Variants in MERTK observed in about 807,000 individuals in gnomAD.
MERTK encodes MER proto-oncogene, tyrosine kinase, also known as tyrosine-protein kinase Mer.
Under a neutral mutation model 99.3 loss-of-function variants are expected in MERTK, and 69 were observed. That is an observed-to-expected ratio of 0.70 (90% CI 0.57 to 0.85). The LOEUF (loss-of-function observed/expected upper bound fraction) is 0.85. MERTK is among the 40% of genes least tolerant of loss of function. The pLI, the probability that MERTK is intolerant of heterozygous loss-of-function variation, is 0.00. For synonymous variants in MERTK, 426 were observed against 467.6 expected (o/e 0.91, Z 1.15); for missense variants, 1,125 against 1,249.4 (o/e 0.90, Z 1.50).
chr2:111,954,194 C>G (rs1685106893), intron 4 of MERTK, among the ~76,000 whole-genome samples: 1 of 152,238 alleles, frequency 6.6e-6, no homozygotes, highest in Non-Finnish European at 1.5e-5. Context: ...CCCACGGTCT[C>G]CGCCTGCCTC....
chr2:111,961,160 T>C (rs1030757784), intron 4 of MERTK, among the ~76,000 whole-genome samples: 15 of 139,026 alleles, frequency 1.1e-4, no homozygotes, highest in East Asian at 4.0e-4. Flanking sequence ...TTCTTTCTTT[T>C]TTTTTTTTTT....
chr2:111,985,324 A>G (rs1047038017), intron 8 of MERTK, among the ~76,000 whole-genome samples: 1 of 152,138 alleles, frequency 6.6e-6, no homozygotes, highest in Non-Finnish European at 1.5e-5. Flanking sequence ...GGCAGCTTCT[A>G]GACAGGTTCC....
intron 15 of MERTK, among the ~76,000 whole-genome samples, chr2:112,010,531 C>G (rs886392187): frequency 6.6e-6 from 1 of 152,160 alleles, no homozygotes; most frequent in Non-Finnish European, 1.5e-5. Flanking sequence ...ACATTTTACT[C>G]CCTATGTTGA....
rs35858762 is a variant in MERTK at position 111,997,365 on chromosome 2, A to G, written c.1493A>G (p.Asn498Ser). Residue 498 changes from asparagine (N) to serine (S), a missense_variant, in exon 10 of 19, where the codon AAC becomes AGC. Transcript: ENST00000295408. The stretch of plus-strand genomic sequence containing the variant: ...CCCTCTTCAACTCCGGCGCCTGGCA[A>G]CGCAGATCCTGTGCTCATCATCTTT... ...YAPSSTPAPG[N>S]ADPVLIIFGC... The G allele has an allele frequency of 3.4e-3, 5,527 of 1,614,150 alleles. 164 individuals are homozygous for G. The African/African-American group carries it at 0.064, about 19-fold the overall frequency.
intron 1 of MERTK, chr2:111,913,094 T>C: frequency 1.0e-6 from 1 of 984,880 alleles, no homozygotes; most frequent in South Asian, 4.7e-5. Flanking sequence ...CTGGGTCCTT[T>C]GCTTTTTACC....
Position 111,980,115 on chromosome 2 carries a change from G to A in MERTK, c.1145-2727G>A, listed in dbSNP as rs189013058. 1.4e-3 allele frequency among the ~76,000 whole-genome samples: 214 copies of A among 152,264 alleles called. 1 individual carries two copies. Among genetic ancestry groups the A allele is most frequent in the African/African-American group, 4.6e-3 (191 of 41,552 alleles). On this transcript the variant is annotated intron_variant, in intron 7 of 18. Coordinates refer to ENST00000295408, the MANE Select transcript of MERTK (RefSeq NM_006343.3). ...AAATTGGTTTCTTTCCTCTGTAGCC[G>A]CTCACTTCCTCTAGAAAAGAAGTGT...
chr2:111,988,252 C>T (rs1014362349), intron 8 of MERTK, among the ~76,000 whole-genome samples: 1 of 152,136 alleles, frequency 6.6e-6, no homozygotes, highest in Non-Finnish European at 1.5e-5. Context: ...CAAAGGAGAG[C>T]AGAGCATTTG....
chr2:111,968,704 T>A (rs1676003785), intron 6 of MERTK, among the ~76,000 whole-genome samples: 1 of 152,128 alleles, frequency 6.6e-6, no homozygotes, highest in South Asian at 2.1e-4. Flanking sequence ...TAAGTTTGCA[T>A]TTTTAGTAGA....
chr2:111,949,906 T>C (rs1113419), intron 4 of MERTK, among the ~76,000 whole-genome samples: 33,239 of 152,164 alleles, frequency 0.22, 4,130 homozygotes, highest in South Asian at 0.32. Flanking sequence ...TTGAGATTCA[T>C]CCATGATGTT....
At chr2:111,913,065 G>A (rs1684282385) in intron 1 of MERTK, 2 of 985,402 alleles carry the variant, frequency 2.0e-6, no homozygotes, top group African/African-American at 1.7e-5. Context: ...AAAAGTTTCT[G>A]TGTGGGTTGA....
intron 7 of MERTK, among the ~76,000 whole-genome samples, chr2:111,982,193 AC>A (rs1354893690): frequency 6.6e-6 from 1 of 151,590 alleles, no homozygotes; most frequent in Non-Finnish European, 1.5e-5. Flanking sequence ...AGTAGCTGGG[AC>A]TACACACCTG....
At chr2:111,965,316 A>G (rs1437278148) in intron 5 of MERTK, 39 bp downstream of exon 5, 2 of 1,600,186 alleles carry the variant, frequency 1.2e-6, no homozygotes, top group Non-Finnish European at 1.7e-6. Context: ...ATGTTCTGGG[A>G]GCTGGTGAGG....
chr2:111,913,142 T>G, intron 1 of MERTK: 9 of 911,986 alleles, frequency 9.9e-6, no homozygotes, highest in Non-Finnish European at 1.2e-5. Context: ...TAACATTGCT[T>G]AAAGGACCTC....
intron 10 of MERTK, among the ~76,000 whole-genome samples, chr2:111,998,488 A>G (rs1318033109): frequency 1.3e-5 from 2 of 152,198 alleles, no homozygotes; most frequent in Non-Finnish European, 2.9e-5. Flanking sequence ...TGGGGTTCAC[A>G]GTTCATGGGG....
At chr2:111,947,611 G>A in intron 4 of MERTK, 44 bp downstream of exon 4, 1 of 1,609,186 alleles carries the variant, frequency 6.2e-7, no homozygotes, top group East Asian at 2.2e-5. Context: ...TCTAATAGCG[G>A]ACAGGATCAA....
chr2:111,920,546 T>A (rs1401009042), intron 1 of MERTK, among the ~76,000 whole-genome samples: 1 of 147,102 alleles, frequency 6.8e-6, no homozygotes, highest in Non-Finnish European at 1.5e-5. Flanking sequence ...GTCAAGTGAG[T>A]TCTGATTGAA....
chr2:111,929,711 G>A (rs1157866983), intron 2 of MERTK, among the ~76,000 whole-genome samples, 171 bp downstream of exon 2: 2 of 150,966 alleles, frequency 1.3e-5, no homozygotes, highest in South Asian at 2.1e-4. Flanking sequence ...CTCAGCCTCC[G>A]GCGTAGCTGG....
intron 1 of MERTK, among the ~76,000 whole-genome samples, chr2:111,907,280 G>C (rs1445659546): frequency 1.3e-5 from 2 of 152,174 alleles, no homozygotes; most frequent in African/African-American, 4.8e-5. Flanking sequence ...CAGGCGTGGT[G>C]GCGCATGCCT....
At chr2:111,960,070 T>C (rs1240013117) in intron 4 of MERTK, among the ~76,000 whole-genome samples, 4 of 152,198 alleles carry the variant, frequency 2.6e-5, no homozygotes, top group African/African-American at 9.7e-5. Context: ...GAAAATAGTT[T>C]TGACTCTGAG....
Sources: allele counts gnomAD v4.1 joint callset (sites outside exome capture counted in the v4.1 genomes callset), GRCh38; gene constraint gnomAD v4.1.1; transcripts MANE v1.5; gene names NCBI Gene and HGNC (gene_info 2026-07-23, HGNC 2026-07-21).